MAP4K3: variants seen among roughly 807,000 people sequenced by gnomAD.
The protein encoded by MAP4K3 is MAPK/ERK kinase kinase kinase 3.
In MAP4K3, 94 loss-of-function variants were observed where a neutral mutation model predicts 143.5. That is an observed-to-expected ratio of 0.65 (90% confidence interval 0.55 to 0.78). MAP4K3 has a LOEUF of 0.78. Ranked by LOEUF, MAP4K3 falls within the 30% of genes least tolerant of loss-of-function variation. The pLI is 0.00. For synonymous variants in MAP4K3, 416 were observed against 347.2 expected (o/e 1.20, Z -2.20); for missense variants, 1,077 against 1,068.1 (o/e 1.01, Z -0.12).
chr2:39,363,451 T>A (rs531786456), intron 2 of MAP4K3, among the ~76,000 whole-genome samples: 1 of 152,246 alleles, frequency 6.6e-6, no homozygotes, highest in East Asian at 1.9e-4. Flanking sequence ...GTGGATCACC[T>A]GAGGTCAGGA....
At chr2:39,351,604 T>TAAA in intron 3 of MAP4K3, among the ~76,000 whole-genome samples, 2 of 152,344 alleles carry the variant, frequency 1.3e-5, no homozygotes, top group Non-Finnish European at 2.9e-5. Flanking sequence ...GTGATTTACT[T>TAAA]ATTTAAGTTG....
chr2:39,386,328 CT>C (rs1056596681), intron 1 of MAP4K3, among the ~76,000 whole-genome samples: 2 of 152,342 alleles, frequency 1.3e-5, no homozygotes, highest in Admixed American at 6.5e-5. Flanking sequence ...TAAATTTCTA[CT>C]GTTGAAGCCA....
At chr2:39,418,990 C>T (rs917659718) in intron 1 of MAP4K3, among the ~76,000 whole-genome samples, 1 of 152,044 alleles carries the variant, frequency 6.6e-6, no homozygotes, top group Non-Finnish European at 1.5e-5. Flanking sequence ...CTCAGTTGTG[C>T]CAAATGTACC....
At chr2:39,267,789 G>A (rs549002931) in intron 26 of MAP4K3, among the ~76,000 whole-genome samples, 19 of 151,728 alleles carry the variant, frequency 1.3e-4, no homozygotes, top group Middle Eastern at 6.8e-3. Context: ...GAAGTCTATA[G>A]AAATATATGA....
intron 2 of MAP4K3, among the ~76,000 whole-genome samples, chr2:39,365,435 T>A (rs1486983272): frequency 1.4e-5 from 2 of 141,280 alleles, no homozygotes; most frequent in South Asian, 2.4e-4. Context: ...TAGTAATTTT[T>A]TTTTTTTTTT....
rs1573176844 is a variant in MAP4K3 at position 39,343,539 on chromosome 2, A to T, written c.246-87T>A. 5 of 941,974 alleles carry T rather than the reference A, an allele frequency of 5.3e-6. No individual in the cohort carries two copies. In the East Asian group the frequency reaches 1.2e-4, roughly 23 times the overall value. The allele number at this position is 941,974 out of a possible 1,614,324, so 58.4% of individuals were successfully genotyped here. A position where few individuals can be genotyped will look rare whatever the true frequency, so the allele number is the denominator to read the frequency against. ...CAAGTATTTTAAGGTTGTAAGCTGT[A>T]ACACTGAAAAACAACAAATGCAATG... On this transcript the variant is annotated intron_variant, in intron 3 of 33. Coordinates refer to ENST00000263881, the MANE Select transcript of MAP4K3 (RefSeq NM_003618.4).
At chr2:39,361,241 G>A (rs570157252) in intron 2 of MAP4K3, among the ~76,000 whole-genome samples, 1 of 151,600 alleles carries the variant, frequency 6.6e-6, no homozygotes, top group African/African-American at 2.4e-5. Flanking sequence ...CACGTTTTAT[G>A]TAATAATATG....
intron 33 of MAP4K3, among the ~76,000 whole-genome samples, chr2:39,251,089 A>G (rs1573052595): frequency 6.6e-6 from 1 of 152,338 alleles, no homozygotes; most frequent in East Asian, 1.9e-4. Context: ...GTACCCAGAC[A>G]CTGGTATTCA....
At chr2:39,416,565 TCA>T (rs1179529073) in intron 1 of MAP4K3, among the ~76,000 whole-genome samples, 1 of 152,218 alleles carries the variant, frequency 6.6e-6, no homozygotes, top group African/African-American at 2.4e-5. Context: ...ACTATTTTCC[TCA>T]CAGACACAAT....
chr2:39,297,376 C>T (rs1173682283), intron 16 of MAP4K3, among the ~76,000 whole-genome samples: 1 of 152,108 alleles, frequency 6.6e-6, no homozygotes, highest in Non-Finnish European at 1.5e-5. Flanking sequence ...CCTCGGCCTC[C>T]AAAAGTGCTG....
At chr2:39,413,970 C>T (rs745890500) in intron 1 of MAP4K3, among the ~76,000 whole-genome samples, 6 of 152,174 alleles carry the variant, frequency 3.9e-5, no homozygotes, top group Non-Finnish European at 8.8e-5. Context: ...CACACTTACT[C>T]GCTAATTCCT....
intron 24 of MAP4K3, among the ~76,000 whole-genome samples, chr2:39,276,901 T>C (rs896946270): frequency 3.3e-5 from 5 of 152,170 alleles, no homozygotes; most frequent in African/African-American, 1.2e-4. Context: ...TTGGAGATGA[T>C]AAAAATGTCC....
At chr2:39,374,835 C>T (rs1277372539) in intron 2 of MAP4K3, among the ~76,000 whole-genome samples, 1 of 152,042 alleles carries the variant, frequency 6.6e-6, no homozygotes, top group Admixed American at 6.6e-5. Context: ...GCTTCAGGTT[C>T]AAATTGCTTA....
intron 1 of MAP4K3, among the ~76,000 whole-genome samples, chr2:39,393,267 T>C (rs1558684610): frequency 6.6e-6 from 1 of 152,190 alleles, no homozygotes; most frequent in Non-Finnish European, 1.5e-5. Flanking sequence ...ATGTGTAAAA[T>C]AAACAGAATG....
At chr2:39,397,326 A>T (rs1666836543) in intron 1 of MAP4K3, among the ~76,000 whole-genome samples, 1 of 152,208 alleles carries the variant, frequency 6.6e-6, no homozygotes, top group Non-Finnish European at 1.5e-5. Flanking sequence ...AAGATCAATA[A>T]TCTTCATATA....
At chr2:39,304,625 T>A (rs1320159312) in intron 15 of MAP4K3, among the ~76,000 whole-genome samples, 1 of 152,212 alleles carries the variant, frequency 6.6e-6, no homozygotes, top group Non-Finnish European at 1.5e-5. Context: ...CTGGTGGGAA[T>A]GTAAAATGTT....
chr2:39,321,027 T>C (rs970980436), intron 12 of MAP4K3, among the ~76,000 whole-genome samples: 26 of 152,212 alleles, frequency 1.7e-4, no homozygotes, highest in Non-Finnish European at 2.9e-5. Context: ...GGTGAAACAG[T>C]AGCAAAAGTA....
chr2:39,299,110 C>G (rs182972862), intron 16 of MAP4K3, among the ~76,000 whole-genome samples: 2 of 152,026 alleles, frequency 1.3e-5, no homozygotes, highest in African/African-American at 2.4e-5. Context: ...AAATGAGACT[C>G]TAAGGGGAAT....
intron 12 of MAP4K3, among the ~76,000 whole-genome samples, chr2:39,318,058 T>C (rs965633056): frequency 6.6e-6 from 1 of 151,988 alleles, no homozygotes; most frequent in Non-Finnish European, 1.5e-5. Context: ...GGTACGGATA[T>C]GCAGCCATAA....
Sources: gnomAD v4.1 joint callset for allele counts (sites outside exome capture counted in the v4.1 genomes callset) on GRCh38, gnomAD v4.1.1 for gene constraint, MANE v1.5 for transcripts, NCBI Gene and HGNC (gene_info 2026-07-23, HGNC 2026-07-21) for gene names.